Variants in RTL9 observed in about 807,000 individuals in gnomAD.
RTL9 encodes the protein retrotransposon Gag-like protein 9.
RTL9 carries 19 observed loss-of-function variants against 44.7 expected under a neutral mutation model. The observed-to-expected ratio is 0.42, with a 90% CI of 0.30 to 0.62. The LOEUF (loss-of-function observed/expected upper bound fraction) is 0.62. Among genes scored for constraint, RTL9 ranks in the 20% least tolerant of loss-of-function variants. The pLI is 0.16. For missense variants in RTL9, 1,105 were observed against 1,080.6 expected, an observed-to-expected ratio of 1.02 and a Z score of -0.32; for synonymous variants, 407 against 398.9, an observed-to-expected ratio of 1.02 and a Z score of -0.24.
At chrX:110,402,649 A>G (rs933680184) in intron 1 of RTL9, among the ~76,000 whole-genome samples, 2 of 112,680 alleles carry the variant, frequency 1.8e-5, no homozygotes, top group Non-Finnish European at 3.8e-5. Flanking sequence ...GAGTGGCTGG[A>G]GGCTGATCTC....
chrX:110,388,518 G>C (rs1264365504), intron 1 of RTL9, among the ~76,000 whole-genome samples: 3 of 111,659 alleles, frequency 2.7e-5, no homozygotes, highest in African/African-American at 9.8e-5. Context: ...ACTTTGTCTT[G>C]GCTGTTTTCT....
Position 110,435,001 on chromosome X carries a change from G to T in RTL9, c.-167-10152G>T, listed in dbSNP as rs769150895. 3.2e-3 allele frequency among the ~76,000 whole-genome samples: 334 copies of T among 104,942 alleles called. 1 individual carries two copies. Among genetic ancestry groups the T allele is most frequent in the Admixed American group, 4.9e-3 (48 of 9,746 alleles). 91.1% of individuals were successfully genotyped at this position (104,942 alleles called of 115,157 possible). On this transcript the variant is annotated intron_variant, in intron 1 of 3. Coordinates refer to the RTL9 transcript ENST00000465301. ...TGATCATGGTCCTTGTTCCAGGGCT[G>T]CACTCAGGCCAGTGACAGAAGGAAG...
chrX:110,402,311 C>T (rs1602971319), intron 1 of RTL9, among the ~76,000 whole-genome samples: 1 of 112,993 alleles, frequency 8.9e-6, no homozygotes, highest in African/African-American at 3.2e-5. Flanking sequence ...TGCCAGAAAC[C>T]GTCATGGTCG....
intron 1 of RTL9, among the ~76,000 whole-genome samples, chrX:110,406,742 T>C (rs765027803): frequency 5.3e-5 from 6 of 112,285 alleles, no homozygotes; most frequent in South Asian, 3.7e-4. Flanking sequence ...GCATTCCTCT[T>C]TTTGGTTCTG....
intron 1 of RTL9, among the ~76,000 whole-genome samples, chrX:110,403,535 G>A (rs1310183009): frequency 9.0e-6 from 1 of 111,087 alleles, no homozygotes; most frequent in Non-Finnish European, 1.9e-5. Flanking sequence ...CAGGGCAGCA[G>A]AATTGGGGCA....
chrX:110,450,832 A>G, exon 1 of RTL9: 1 of 1,211,388 alleles, frequency 8.3e-7, no homozygotes, highest in Non-Finnish European at 1.1e-6. Context: ...CCAGTCTTTG[A>G]CACCATGTCT....
At chrX:110,373,467 A>G (rs1602941397) in intron 1 of RTL9, among the ~76,000 whole-genome samples, 2 of 111,946 alleles carry the variant, frequency 1.8e-5, no homozygotes, top group South Asian at 3.7e-4. Flanking sequence ...ACCCACCTCC[A>G]TAACTCAGAG....
chrX:110,374,712 G>A (rs1232817850), intron 1 of RTL9, among the ~76,000 whole-genome samples: 5 of 111,413 alleles, frequency 4.5e-5, no homozygotes, highest in South Asian at 3.8e-4. Flanking sequence ...TTCGGTGGAG[G>A]GTGCAAAGGA....
intron 1 of RTL9, among the ~76,000 whole-genome samples, chrX:110,385,382 T>C (rs1314017145): frequency 9.0e-6 from 1 of 111,657 alleles, no homozygotes; most frequent in Non-Finnish European, 1.9e-5. Flanking sequence ...AATTCACCTA[T>C]TTAAAGTGTA....
At chrX:110,444,093 GGA>G (rs1201132509) in intron 1 of RTL9, among the ~76,000 whole-genome samples, 8 of 112,448 alleles carry the variant, frequency 7.1e-5, no homozygotes, top group Non-Finnish European at 1.5e-4. Context: ...AAGTTTGCTT[GGA>G]GAGTCTCAAG....
At chrX:110,370,705 A>G (rs929157031) in intron 1 of RTL9, among the ~76,000 whole-genome samples, 1 of 112,595 alleles carries the variant, frequency 8.9e-6, no homozygotes, top group East Asian at 2.8e-4. Context: ...TGGTAATTTA[A>G]AAAAGTGAAG....
At chrX:110,438,072 G>A (rs990362951) in intron 1 of RTL9, among the ~76,000 whole-genome samples, 1 of 111,482 alleles carries the variant, frequency 9.0e-6, no homozygotes, top group Admixed American at 9.5e-5. Flanking sequence ...TCTGCCAACA[G>A]AGCTTCTTGG....
At chrX:110,419,297 C>T (rs1411271386) in intron 1 of RTL9, among the ~76,000 whole-genome samples, 3 of 112,363 alleles carry the variant, frequency 2.7e-5, no homozygotes, top group African/African-American at 9.7e-5. Context: ...GGCCTTTGTT[C>T]GTGCTCCTGC....
intron 1 of RTL9, among the ~76,000 whole-genome samples, chrX:110,397,569 T>C (rs899980370): frequency 2.7e-5 from 3 of 110,753 alleles, no homozygotes; most frequent in African/African-American, 9.9e-5. Context: ...CACAGTAACC[T>C]GGTCAGCAGT....
chrX:110,367,462 C>T, intron 1 of RTL9, among the ~76,000 whole-genome samples: 1 of 111,253 alleles, frequency 9.0e-6, no homozygotes, highest in Non-Finnish European at 1.9e-5. Context: ...TTTCGCCCAA[C>T]AGCGGCATTT....
chrX:110,373,273 G>C (rs753574258), intron 1 of RTL9, among the ~76,000 whole-genome samples: 1 of 111,713 alleles, frequency 9.0e-6, no homozygotes, highest in South Asian at 3.8e-4. Flanking sequence ...CTTAGGATGA[G>C]GTGGAAATAA....
chrX:110,394,852 G>A (rs769954799), intron 1 of RTL9, among the ~76,000 whole-genome samples: 3 of 112,911 alleles, frequency 2.7e-5, no homozygotes, highest in African/African-American at 9.7e-5. Context: ...AGGAAGAGGA[G>A]GCCATCCCTC....
chrX:110,454,528 C>A, exon 1 of RTL9: 1 of 1,211,873 alleles, frequency 8.3e-7, no homozygotes, highest in Admixed American at 2.2e-5. Flanking sequence ...ATAGACAGGT[C>A]TCTGTACACC....
chrX:110,444,787 A>G (rs1235254513), intron 1 of RTL9, among the ~76,000 whole-genome samples: 5 of 112,397 alleles, frequency 4.4e-5, no homozygotes, highest in Admixed American at 1.9e-4. Flanking sequence ...GTGCTTATAA[A>G]TTACCTGCTT....
Sources: allele counts gnomAD v4.1 joint callset (sites outside exome capture counted in the v4.1 genomes callset), GRCh38; gene constraint gnomAD v4.1.1; transcripts MANE v1.5; gene names NCBI Gene and HGNC (gene_info 2026-07-23, HGNC 2026-07-21).